TRMT9B: variants seen among roughly 807,000 people sequenced by gnomAD.
TRMT9B encodes probable tRNA methyltransferase 9B.
A neutral mutation model predicts 11.5 loss-of-function variants in TRMT9B; 16 were observed. The ratio of observed to expected loss-of-function variants is 1.39; its 90% CI spans 0.94 to 2.11. The LOEUF (loss-of-function observed/expected upper bound fraction) is 2.11, where lower values mean the gene tolerates loss of function less well. Among genes scored for constraint, TRMT9B ranks in the 30% most tolerant of loss-of-function variants. The pLI is 0.00. For missense variants in TRMT9B, 941 were observed against 553.8 expected (o/e 1.70, Z -7.02); for synonymous variants, 274 against 192.4 (o/e 1.42, Z -3.51).
intron 1 of TRMT9B, among the ~76,000 whole-genome samples, chr8:12,959,516 C>CTCTTTTTTTT (rs757156112): frequency 2.7e-5 from 2 of 74,896 alleles, no homozygotes; most frequent in African/African-American, 1.0e-4. Flanking sequence ...TTTTTCCTTC[C>CTCTTTTTTTT]TTTTTTTTTT....
intron 1 of TRMT9B, among the ~76,000 whole-genome samples, chr8:12,982,830 A>C: frequency 6.6e-6 from 1 of 152,208 alleles, no homozygotes; most frequent in East Asian, 1.9e-4. Context: ...GACTGGTTGC[A>C]GTCAAAATGC....
chr8:12,982,878 G>C (rs375919236), intron 1 of TRMT9B, among the ~76,000 whole-genome samples: 54 of 152,202 alleles, frequency 3.5e-4, no homozygotes, highest in Middle Eastern at 3.4e-3. Flanking sequence ...TTCTCCAAGG[G>C]ACAAAAGGCC....
intron 1 of TRMT9B, among the ~76,000 whole-genome samples, chr8:12,983,792 C>G (rs1417861061): frequency 6.6e-6 from 1 of 152,140 alleles, no homozygotes; most frequent in Admixed American, 6.5e-5. Context: ...ATACAGGGTA[C>G]AGTAGCCTTT....
chr8:12,946,437 AAGAAGAAGCAG>A (rs1296727384), intron 1 of TRMT9B, among the ~76,000 whole-genome samples: 6 of 152,204 alleles, frequency 3.9e-5, no homozygotes, highest in Admixed American at 3.9e-4. Context: ...TATGAAGGGC[AAGAAGAAGCAG>A]AGTCTAAGAA....
intron 1 of TRMT9B, among the ~76,000 whole-genome samples, chr8:12,965,863 A>G (rs1802740260): frequency 6.6e-6 from 1 of 151,722 alleles, no homozygotes. Context: ...ATATACAAAA[A>G]TCAGCCGGGT....
chr8:12,975,455 G>A (rs1280141294), intron 1 of TRMT9B, among the ~76,000 whole-genome samples: 1 of 151,980 alleles, frequency 6.6e-6, no homozygotes, highest in Non-Finnish European at 1.5e-5. Context: ...GATGTTTCTA[G>A]GGGAGGTACA....
At chr8:12,987,372 TA>T (rs1806503914) in intron 1 of TRMT9B, among the ~76,000 whole-genome samples, 1 of 152,168 alleles carries the variant, frequency 6.6e-6, no homozygotes, top group Non-Finnish European at 1.5e-5. Context: ...ATAAACCCAT[TA>T]TAAGTTGAAA....
At chr8:13,015,117 A>G (rs1027090383) in intron 4 of TRMT9B, among the ~76,000 whole-genome samples, 4 of 151,660 alleles carry the variant, frequency 2.6e-5, no homozygotes, top group South Asian at 2.1e-4. Flanking sequence ...AAGTCAAAGA[A>G]ATCTGTGGAC....
At chr8:12,999,575 A>T (rs1809021346) in intron 2 of TRMT9B, among the ~76,000 whole-genome samples, 1 of 152,236 alleles carries the variant, frequency 6.6e-6, no homozygotes, top group Non-Finnish European at 1.5e-5. Flanking sequence ...AATTGGCTAG[A>T]GTTCCATCAT....
At chr8:12,978,049 T>G (rs1200640720) in intron 1 of TRMT9B, among the ~76,000 whole-genome samples, 2 of 151,888 alleles carry the variant, frequency 1.3e-5, no homozygotes, top group Non-Finnish European at 2.9e-5. Flanking sequence ...AGATGGATAG[T>G]GTGGAGTCTT....
Position 13,022,048 on chromosome 8 carries a change from G to A in TRMT9B, c.*4G>A. The A allele has an allele frequency of 6.4e-7, 1 of 1,555,874 alleles. No homozygotes were observed. The highest frequency in any genetic ancestry group is 8.7e-7 in the Non-Finnish European group (1 of 1,151,822). ...GAAAAAGAGAGGTTGTGATTGATTG[G>A]ATCCTTTTAGACAACTCCTCCAAAA... On this transcript the variant is annotated 3_prime_UTR_variant, in exon 5 of 5. Transcript: ENST00000524591.
At position 13,021,848 on chromosome 8, in the gene TRMT9B, A is replaced by G. The variant is rs1445599903; in HGVS notation, c.1169A>G (p.Asp390Gly). The G allele has an allele frequency of 7.4e-6, 12 of 1,613,728 alleles. No homozygotes were observed. The South Asian group carries it at 1.1e-4, about 15-fold the overall frequency. ...SAVDSTDFNP[D>G]DTMSVEDPQT... The stretch of plus-strand genomic sequence containing the variant: ...GTTGATTCCACAGATTTCAACCCAG[A>G]TGATACAATGTCTGTCGAAGATCCA... The change falls in exon 5 of 5, where the codon GAT (aspartate) becomes GGT (glycine). Residue 390 changes from aspartate to glycine, a missense_variant. Transcript: ENST00000524591.
In TRMT9B at chr8:13,028,055, T is replaced by A. The variant is rs1814906582; in HGVS notation, c.*6011T>A. 6.0e-6 allele frequency: 1 copy of A among 166,656 alleles called. No homozygotes were observed. The highest frequency in any genetic ancestry group is 1.5e-5 in the Non-Finnish European group (1 of 68,044). The allele number at this position is 166,656 out of a possible 1,614,324, so 10.3% of individuals were successfully genotyped here. On this transcript the variant is annotated 3_prime_UTR_variant, in exon 5 of 5. Coordinates refer to ENST00000524591, the MANE Select transcript of TRMT9B (RefSeq NM_020844.3). ...GAGCACAATCAGAAACTGAAGAGAG[T>A]TGATCAAAGAGAAGATTCTAGCTGA...
intron 1 of TRMT9B, among the ~76,000 whole-genome samples, chr8:12,970,475 G>A (rs1377697667): frequency 6.6e-6 from 1 of 152,154 alleles, no homozygotes; most frequent in Non-Finnish European, 1.5e-5. Flanking sequence ...GCTTGGTGCA[G>A]GGCCTCTTGG....
intron 1 of TRMT9B, among the ~76,000 whole-genome samples, chr8:12,984,728 G>A (rs1280375341): frequency 2.6e-5 from 4 of 152,082 alleles, no homozygotes; most frequent in African/African-American, 4.8e-5. Flanking sequence ...GAAGCCGGGC[G>A]CTATATTTTC....
Position 13,027,466 on chromosome 8 carries a change from A to T in TRMT9B, c.*5422A>T, listed in dbSNP as rs1201201211. The T allele has an allele frequency of 6.0e-6, 1 of 167,062 alleles. No homozygotes were observed. Among genetic ancestry groups the T allele is most frequent in the Non-Finnish European group, 1.5e-5 (1 of 68,126 alleles). 10.3% of individuals were successfully genotyped at this position (167,062 alleles called of 1,614,324 possible). On this transcript the variant is annotated 3_prime_UTR_variant, in exon 5 of 5. Coordinates refer to ENST00000524591, the MANE Select transcript of TRMT9B (RefSeq NM_020844.3). ...CGTGTTCTGTGGGATATATTTCAGAAAATAATATGTCTTACAGAATAAATG... is the reference window on the plus strand; with the variant it reads ...CGTGTTCTGTGGGATATATTTCAGATAATAATATGTCTTACAGAATAAATG...
intron 1 of TRMT9B, among the ~76,000 whole-genome samples, chr8:12,984,210 A>G (rs1736121877): frequency 6.6e-6 from 1 of 152,242 alleles, no homozygotes; most frequent in African/African-American, 2.4e-5. Flanking sequence ...TTTTGTGTTT[A>G]GACTTGGGTC....
Position 13,024,956 on chromosome 8 carries a change from T to C in TRMT9B, c.*2912T>C, listed in dbSNP as rs1358568168. The C allele has an allele frequency of 6.0e-6, 1 of 167,106 alleles. No homozygotes were observed. The highest frequency in any genetic ancestry group is 1.5e-5 in the Non-Finnish European group (1 of 68,122). 10.4% of individuals were successfully genotyped at this position (167,106 alleles called of 1,614,324 possible). A position where few individuals can be genotyped will look rare whatever the true frequency, so the allele number is the denominator to read the frequency against. ...AAAACTAATGTAAACGTCTTGATCA[T>C]TTAAAAAGCTTGCTTGTCCTCGAAA... is the stretch of plus-strand genomic sequence containing the variant. On this transcript the variant is annotated 3_prime_UTR_variant, in exon 5 of 5. Coordinates refer to ENST00000524591, the MANE Select transcript of TRMT9B (RefSeq NM_020844.3).
intron 4 of TRMT9B, among the ~76,000 whole-genome samples, chr8:13,013,290 T>C (rs1379499336): frequency 6.6e-6 from 1 of 152,222 alleles, no homozygotes; most frequent in African/African-American, 2.4e-5. Context: ...AAATGTCACC[T>C]GGACCAATCT....
Sources: allele counts gnomAD v4.1 joint callset (sites outside exome capture counted in the v4.1 genomes callset), GRCh38; gene constraint gnomAD v4.1.1; transcripts MANE v1.5; gene names NCBI Gene and HGNC (gene_info 2026-07-23, HGNC 2026-07-21).